The following GASK1B variants were observed in gnomAD, a reference collection of about 807,000 sequenced individuals.
GASK1B encodes Golgi-associated kinase 1B.
A neutral mutation model predicts 42.8 loss-of-function variants in GASK1B; 34 were observed. The observed-to-expected ratio is 0.79, with a 90% CI of 0.60 to 1.06. The LOEUF is 1.06. GASK1B is among the 50% of genes least tolerant of loss of function. The probability of loss-of-function intolerance (pLI) is 0.00; values close to 1 mark genes in which losing one functional copy is unlikely to be tolerated. For missense variants in GASK1B, 686 were observed against 661.0 expected (o/e 1.04, Z -0.42); for synonymous variants, 262 against 259.1 (o/e 1.01, Z -0.11).
intron 2 of GASK1B, chr4:158,168,813 G>A (rs1174313019): frequency 2.0e-5 from 3 of 152,102 alleles, no homozygotes; most frequent in Non-Finnish European, 1.5e-5. Context: ...CTCCTCTCTG[G>A]GGCCTTTATG....
chr4:158,170,748 C>G lies in GASK1B; in HGVS notation c.628G>C (p.Glu210Gln). 1 of 1,614,214 alleles carries G rather than the reference C, an allele frequency of 6.2e-7. No individual in the cohort carries two copies. The highest frequency in any genetic ancestry group is 8.5e-7 in the Non-Finnish European group (1 of 1,180,040). ...TTGCTCAGCCAGGAGGGGGCGCTCTCGCTGTAGATCCTAATGTTGCTCTCC... is the reference window on the plus strand; with the variant it reads ...TTGCTCAGCCAGGAGGGGGCGCTCTGGCTGTAGATCCTAATGTTGCTCTCC... ...SRESNIRIYS[E>Q]SAPSWLSKDD... Residue 210 changes from glutamate (E) to glutamine (Q), a missense_variant, in exon 2 of 5, where the codon GAG (glutamate) becomes CAG (glutamine). Transcript: ENST00000585682.
At chr4:158,165,031 T>C (rs1013503711) in intron 2 of GASK1B, among the ~76,000 whole-genome samples, 1 of 152,250 alleles carries the variant, frequency 6.6e-6, no homozygotes, top group Non-Finnish European at 1.5e-5. Flanking sequence ...TACAGAATTC[T>C]TGGAACTAGG....
intron 3 of GASK1B, among the ~76,000 whole-genome samples, chr4:158,141,742 G>C (rs1349564670): frequency 6.7e-6 from 1 of 149,574 alleles, no homozygotes; most frequent in East Asian, 2.0e-4. Context: ...GAGTAGCTGG[G>C]ACTGCAGGCG....
At chr4:158,144,788 G>A (rs990216724) in intron 3 of GASK1B, among the ~76,000 whole-genome samples, 7 of 152,048 alleles carry the variant, frequency 4.6e-5, no homozygotes, top group Non-Finnish European at 7.4e-5. Flanking sequence ...ATCATCTCTC[G>A]CTGTTTGCTT....
At chr4:158,170,342 C>T in intron 2 of GASK1B, 124 bp downstream of exon 2, 1 of 1,614,208 alleles carries the variant, frequency 6.2e-7, no homozygotes, top group Non-Finnish European at 8.5e-7. Context: ...CACGCTGCTG[C>T]TGCTGCTGTC....
Position 158,131,019 on chromosome 4 carries a change from A to G in GASK1B, c.1126-7T>C, listed in dbSNP as rs745700353. ...TATCTAAGCGATTATAAATCTGTAA[A>G]TGGAAAACACAAAATCCAAGATGCT... On this transcript the variant is annotated splice_polypyrimidine_tract_variant and splice_region_variant and intron_variant, in intron 3 of 4. Transcript: ENST00000585682. The G allele has an allele frequency of 9.3e-6, 15 of 1,608,812 alleles. No individual in the cohort carries two copies. The highest frequency in any genetic ancestry group is 1.3e-5 in the Non-Finnish European group (15 of 1,176,890).
In GASK1B at chr4:158,124,906, A is replaced by G. The variant is rs920094384; in HGVS notation, c.*2501T>C. On this transcript the variant is annotated 3_prime_UTR_variant, in exon 5 of 5. Coordinates refer to ENST00000585682, the MANE Select transcript of GASK1B (RefSeq NM_001128424.2). ...TTTTAAGATACATATTTATTTTTATATTATTAGCTTAAAGAAAGTAAGTCA... is the reference window on the plus strand; with the variant it reads ...TTTTAAGATACATATTTATTTTTATGTTATTAGCTTAAAGAAAGTAAGTCA... 16 of 152,262 alleles carry G rather than the reference A, an allele frequency of 1.1e-4. No individual in the cohort carries two copies. Among genetic ancestry groups the G allele is most frequent in the African/African-American group, 3.8e-4 (16 of 41,590 alleles). 9.4% of individuals were successfully genotyped at this position (152,262 alleles called of 1,614,324 possible). A position where few individuals can be genotyped will look rare whatever the true frequency, so the allele number is the denominator to read the frequency against.
intron 3 of GASK1B, among the ~76,000 whole-genome samples, chr4:158,148,096 C>T (rs1731402012): frequency 6.6e-6 from 1 of 151,940 alleles, no homozygotes; most frequent in Non-Finnish European, 1.5e-5. Flanking sequence ...TGCCTGTTGT[C>T]CCAGTTACTC....
At position 158,171,100 on chromosome 4, in the gene GASK1B, A is replaced by T; in HGVS notation, c.276T>A (p.Pro92=). The T allele has an allele frequency of 6.2e-7, 1 of 1,609,524 alleles. No individual in the cohort carries two copies. Among genetic ancestry groups the T allele is most frequent in the African/African-American group, 1.3e-5 (1 of 74,916 alleles). ...TGGACCCATTGCCCTGGGACTCTGG[A>T]GGGGCCAGGGTACCATCCAGGGGTA... ...PEIPLDGTLA[P]PESQGNGSTL... The change falls in exon 2 of 5, where the codon CCT becomes CCA. Residue 92 remains proline, a synonymous_variant. Transcript: ENST00000585682.
chr4:158,138,064 G>A (rs73857587), intron 3 of GASK1B, among the ~76,000 whole-genome samples: 3,296 of 152,134 alleles, frequency 0.022, 103 homozygotes, highest in African/African-American at 0.073. Context: ...TAAATGACAC[G>A]TAATGACACA....
chr4:158,138,109 G>C (rs148339264), intron 3 of GASK1B, among the ~76,000 whole-genome samples: 1 of 152,074 alleles, frequency 6.6e-6, no homozygotes, highest in African/African-American at 2.4e-5. Context: ...GTATTCTAAG[G>C]TTATTATACA....
At chr4:158,144,004 A>G (rs1309746224) in intron 3 of GASK1B, among the ~76,000 whole-genome samples, 2 of 152,108 alleles carry the variant, frequency 1.3e-5, no homozygotes, top group Admixed American at 1.3e-4. Context: ...ATAAAATTCT[A>G]CTTTTTTGTC....
At chr4:158,135,602 A>G (rs1730858545) in intron 3 of GASK1B, among the ~76,000 whole-genome samples, 1 of 151,458 alleles carries the variant, frequency 6.6e-6, no homozygotes, top group East Asian at 2.0e-4. Context: ...AAATGACACA[A>G]CTCAGGATTC....
intron 2 of GASK1B, chr4:158,169,539 C>T (rs1162353403): frequency 6.6e-6 from 1 of 152,188 alleles, no homozygotes; most frequent in Non-Finnish European, 1.5e-5. Context: ...TTCATGGTAA[C>T]ATGGAGAAAG....
At chr4:158,134,026 C>T (rs761355263) in intron 3 of GASK1B, among the ~76,000 whole-genome samples, 3 of 152,166 alleles carry the variant, frequency 2.0e-5, no homozygotes, top group Admixed American at 1.3e-4. Context: ...TAGTAAATTA[C>T]GTCTTTGTAT....
rs780338194 is a variant in GASK1B, at chr4:158,130,785, C to T, written c.1352+1G>A. On this transcript the variant is annotated splice_donor_variant, in intron 4 of 4. Coordinates refer to ENST00000585682, the MANE Select transcript of GASK1B (RefSeq NM_001128424.2). LOFTEE classifies it high-confidence loss of function. ...CCTGCAGATGTTACTATAAAACTTA[C>T]TCTTTGATGCCTTCTAACAATTTGA... 4 of 1,608,638 alleles carry T rather than the reference C, an allele frequency of 2.5e-6. No homozygotes were observed. The highest frequency in any genetic ancestry group is 1.7e-6 in the Non-Finnish European group (2 of 1,176,894).
At chr4:158,145,554 G>A (rs569151639) in intron 3 of GASK1B, among the ~76,000 whole-genome samples, 5 of 151,872 alleles carry the variant, frequency 3.3e-5, no homozygotes, top group African/African-American at 4.8e-5. Context: ...CTCTCTTCCC[G>A]TCTCTTGTAC....
intron 2 of GASK1B, chr4:158,169,921 C>T (rs914901027): frequency 6.3e-6 from 2 of 319,658 alleles, no homozygotes; most frequent in African/African-American, 2.1e-5. Context: ...AATTTTTGCT[C>T]ATTCTTTTTA....
chr4:158,158,156 T>A (rs1731827994), intron 2 of GASK1B, among the ~76,000 whole-genome samples: 1 of 152,170 alleles, frequency 6.6e-6, no homozygotes, highest in Non-Finnish European at 1.5e-5. Flanking sequence ...CTTGTTTTTC[T>A]CACCTGTAAA....
Sources: gnomAD v4.1 joint callset for allele counts (sites outside exome capture counted in the v4.1 genomes callset) on GRCh38, gnomAD v4.1.1 for gene constraint, MANE v1.5 for transcripts, NCBI Gene and HGNC (gene_info 2026-07-23, HGNC 2026-07-21) for gene names.